CEP290: variants seen among roughly 807,000 people sequenced by gnomAD.
CEP290 encodes centrosomal protein 290.
Under a neutral mutation model 344.9 loss-of-function variants are expected in CEP290, and 317 were observed. The observed-to-expected ratio is 0.92, with a 90% CI of 0.84 to 1.01. CEP290 has a LOEUF of 1.01. Among genes scored for constraint, CEP290 ranks in the 50% least tolerant of loss-of-function variants. The pLI is 0.00. For synonymous variants in CEP290, 932 were observed against 895.8 expected, an observed-to-expected ratio of 1.04 and a Z score of -0.72; for missense variants, 2,754 against 2,761.4, an observed-to-expected ratio of 1.00 and a Z score of 0.06.
intron 23 of CEP290, among the ~76,000 whole-genome samples, chr12:88,108,357 C>A (rs551236829): frequency 1.3e-5 from 2 of 152,252 alleles, no homozygotes; most frequent in African/African-American, 4.8e-5. Context: ...GAAAAAAATG[C>A]TCCTCTTCTT....
At chr12:88,111,135 CAT>C (rs1356641881) in intron 22 of CEP290, 65 bp downstream of exon 22, 1 of 879,236 alleles carries the variant, frequency 1.1e-6, no homozygotes, top group Non-Finnish European at 1.6e-6. Flanking sequence ...CATAAAGAAA[CAT>C]ACTACCAATG....
chr12:88,105,146 A>G (rs2038183952), intron 25 of CEP290, among the ~76,000 whole-genome samples: 1 of 152,160 alleles, frequency 6.6e-6, no homozygotes, highest in African/African-American at 2.4e-5. Flanking sequence ...ATGGGCATGA[A>G]GTATGTAGGT....
chr12:88,096,049 AAT>A (rs1592547326), intron 27 of CEP290, among the ~76,000 whole-genome samples: 2 of 53,000 alleles, frequency 3.8e-5, no homozygotes, highest in Non-Finnish European at 1.1e-4. Flanking sequence ...GAATAAAACA[AAT>A]TTTTTTTTTT....
At chr12:88,093,654 G>T in intron 28 of CEP290, 116 bp downstream of exon 28, 3 of 684,904 alleles carry the variant, frequency 4.4e-6, no homozygotes, top group African/African-American at 1.8e-5. Flanking sequence ...CAAAACATAG[G>T]CACTATATTA....
At chr12:88,099,983 A>G (rs1003483013) in intron 26 of CEP290, among the ~76,000 whole-genome samples, 1 of 143,156 alleles carries the variant, frequency 7.0e-6, no homozygotes, top group Non-Finnish European at 1.5e-5. Context: ...GGTCTCCTTT[A>G]AAAAAAAAAA....
At chr12:88,076,425 G>C (rs1422362633) in intron 41 of CEP290, among the ~76,000 whole-genome samples, 1 of 151,422 alleles carries the variant, frequency 6.6e-6, no homozygotes, top group Non-Finnish European at 1.5e-5. Flanking sequence ...ATATTTTCTG[G>C]GTAAATTTTA....
chr12:88,130,605 A>G (rs2040009432), intron 7 of CEP290, 40 bp from the exon 8 acceptor site: 1 of 1,504,926 alleles, frequency 6.6e-7, no homozygotes, highest in Non-Finnish European at 8.9e-7. Flanking sequence ...AGAAATGAGA[A>G]AGGTAATACA....
In CEP290 at chr12:88,111,354, G is replaced by A; in HGVS notation, c.2218-3C>T. Reference sequence around the variant, plus strand: ...GTTTCTTTTTCAAGATGGTCTATCTGGAAAAAAAAATCCAGCAATGAGAAT... The same window carrying A: ...GTTTCTTTTTCAAGATGGTCTATCTAGAAAAAAAAATCCAGCAATGAGAAT... On this transcript the variant is annotated splice_region_variant and splice_polypyrimidine_tract_variant and intron_variant, in intron 21 of 53. Coordinates refer to ENST00000552810, the MANE Select transcript of CEP290 (RefSeq NM_025114.4). 1 of 1,557,002 alleles carries A rather than the reference G, an allele frequency of 6.4e-7. No individual in the cohort carries two copies. Among genetic ancestry groups the A allele is most frequent in the Non-Finnish European group, 8.7e-7 (1 of 1,153,962 alleles).
chr12:88,078,919 G>A, intron 39 of CEP290, among the ~76,000 whole-genome samples, 173 bp downstream of exon 39: 1 of 152,080 alleles, frequency 6.6e-6, no homozygotes, highest in Non-Finnish European at 1.5e-5. Context: ...ATCAGTAAAT[G>A]AGTATCATAA....
chr12:88,130,863 G>A (rs1565916617), intron 7 of CEP290, among the ~76,000 whole-genome samples: 2 of 151,872 alleles, frequency 1.3e-5, no homozygotes. Flanking sequence ...AAGGATTCTG[G>A]GTAAGAGAAA....
intron 11 of CEP290, among the ~76,000 whole-genome samples, chr12:88,127,528 A>T (rs1459470168): frequency 3.3e-5 from 5 of 152,132 alleles, no homozygotes; most frequent in Non-Finnish European, 5.9e-5. Flanking sequence ...AGATATTAGG[A>T]GAAAAGATGA....
At chr12:88,092,634 A>G (rs752773740) in intron 29 of CEP290, 47 bp downstream of exon 29, 115 of 1,530,910 alleles carry the variant, frequency 7.5e-5, no homozygotes, top group Non-Finnish European at 8.3e-5. Flanking sequence ...AGACAAATTA[A>G]AGAAGATACA....
At chr12:88,097,610 T>TACACACACATAC (rs1555213434) in intron 26 of CEP290, among the ~76,000 whole-genome samples, 1 of 144,246 alleles carries the variant, frequency 6.9e-6, no homozygotes, top group Non-Finnish European at 1.5e-5. Flanking sequence ...CACACACACA[T>TACACACACATAC]ACACACACAC....
chr12:88,089,680 A>G (rs2036871044), intron 30 of CEP290, among the ~76,000 whole-genome samples, 193 bp from the exon 31 acceptor site: 1 of 151,744 alleles, frequency 6.6e-6, no homozygotes, highest in South Asian at 2.1e-4. Context: ...AATCAAACAA[A>G]CTTAAAATCC....
At chr12:88,090,929 G>C (rs2036988217) in intron 29 of CEP290, 90 bp from the exon 30 acceptor site, 2 of 691,992 alleles carry the variant, frequency 2.9e-6, no homozygotes, top group East Asian at 6.0e-5. Context: ...TTTTCAAAAA[G>C]CCATTCGTTT....
At chr12:88,117,188 C>G in intron 17 of CEP290, 43 bp from the exon 18 acceptor site, 1 of 916,486 alleles carries the variant, frequency 1.1e-6, no homozygotes, top group Non-Finnish European at 1.7e-6. Flanking sequence ...TTAAAATAAC[C>G]CTCCTACTAT....
At chr12:88,100,875 C>T (rs887924571) in intron 26 of CEP290, among the ~76,000 whole-genome samples, 4 of 152,126 alleles carry the variant, frequency 2.6e-5, no homozygotes, top group Admixed American at 1.3e-4. Flanking sequence ...GAAAAGAGCA[C>T]GTACAAAAGA....
chr12:88,071,951 G>A (rs752819370), intron 41 of CEP290, 25 bp from the exon 42 acceptor site: 3 of 1,538,010 alleles, frequency 2.0e-6, no homozygotes, highest in South Asian at 2.6e-5. Context: ...AAGGAGGTAG[G>A]AAAATTACCA....
At chr12:88,071,694 T>C in intron 42 of CEP290, 87 bp downstream of exon 42, 1 of 1,044,744 alleles carries the variant, frequency 9.6e-7, no homozygotes, top group Non-Finnish European at 1.4e-6. Context: ...CCATTTCTCA[T>C]ATTATCAACT....
Sources: allele counts gnomAD v4.1 joint callset (sites outside exome capture counted in the v4.1 genomes callset), GRCh38; gene constraint gnomAD v4.1.1; transcripts MANE v1.5; gene names NCBI Gene and HGNC (gene_info 2026-07-23, HGNC 2026-07-21).